The following ASCC1 variants were observed in gnomAD, a reference collection of about 807,000 sequenced individuals.
ASCC1 encodes the protein ASC-1 complex subunit P50.
ASCC1 carries 35 observed loss-of-function variants against 46.6 expected under a neutral mutation model. The observed-to-expected ratio is 0.75, with a 90% CI of 0.57 to 0.99. ASCC1 has a LOEUF of 0.99. Ranked by LOEUF, ASCC1 falls within the 50% of genes least tolerant of loss-of-function variation. The pLI is 0.00. For missense variants in ASCC1, 376 were observed against 428.7 expected, an observed-to-expected ratio of 0.88 and a Z score of 1.09; for synonymous variants, 143 against 146.6, an observed-to-expected ratio of 0.98 and a Z score of 0.18.
At chr10:72,109,882 C>A (rs1842738357) in intron 9 of ASCC1, among the ~76,000 whole-genome samples, 1 of 152,216 alleles carries the variant, frequency 6.6e-6, no homozygotes, top group Non-Finnish European at 1.5e-5. Flanking sequence ...CTAATCTCGG[C>A]ACAGGCTAGG....
At chr10:72,210,471 T>C (rs1857919851) in intron 3 of ASCC1, among the ~76,000 whole-genome samples, 1 of 152,208 alleles carries the variant, frequency 6.6e-6, no homozygotes, top group Non-Finnish European at 1.5e-5. Flanking sequence ...AAACCTCTTT[T>C]CTTTATAAAT....
At chr10:72,190,073 C>A (rs906592250) in intron 5 of ASCC1, 10 of 758,294 alleles carry the variant, frequency 1.3e-5, no homozygotes, top group Non-Finnish European at 2.4e-5. Context: ...CCCCACCCAG[C>A]CTGATAAAGC....
chr10:72,143,998 TCTTTC>T (rs1247267585), intron 7 of ASCC1, among the ~76,000 whole-genome samples: 1 of 151,968 alleles, frequency 6.6e-6, no homozygotes, highest in Non-Finnish European at 1.5e-5. Context: ...TTCTTTTCTT[TCTTTC>T]TTTTTTTTTT....
At chr10:72,194,405 T>C (rs1019969418) in intron 5 of ASCC1, among the ~76,000 whole-genome samples, 12 of 150,360 alleles carry the variant, frequency 8.0e-5, no homozygotes, top group Middle Eastern at 3.5e-3. Context: ...CATCCAGTAC[T>C]GGCAAAAGTG....
intron 8 of ASCC1, among the ~76,000 whole-genome samples, chr10:72,128,814 T>C (rs934931181): frequency 6.6e-6 from 1 of 152,038 alleles, no homozygotes; most frequent in African/African-American, 2.4e-5. Flanking sequence ...AGGAAAAGAA[T>C]ATCAAAAGAG....
Position 72,097,421 on chromosome 10 carries a change from T to C in ASCC1, c.987A>G (p.Leu329=). 1 of 1,613,582 alleles carries C rather than the reference T, an allele frequency of 6.2e-7. No homozygotes were observed. Among genetic ancestry groups the C allele is most frequent in the Non-Finnish European group, 8.5e-7 (1 of 1,179,494 alleles). ...KLFENFYFGS[L]KLNSIHISQR... ...GAGAGATGTGAATTGAATTCAGCTTTAGGGAGCCAAAGTAGAAGTTCTCAA... is the reference window on the plus strand; with the variant it reads ...GAGAGATGTGAATTGAATTCAGCTTCAGGGAGCCAAAGTAGAAGTTCTCAA... The change falls in exon 10 of 10, where the codon CTA becomes CTG. Residue 329 remains leucine, a synonymous_variant. Transcript: ENST00000672957.
chr10:72,195,155 T>TTG (rs1855204638), intron 5 of ASCC1, among the ~76,000 whole-genome samples: 6 of 140,340 alleles, frequency 4.3e-5, no homozygotes, highest in African/African-American at 1.3e-4. Flanking sequence ...TTTTTTTTTT[T>TTG]TTTTTTTTTG....
upstream of ASCC1, among the ~76,000 whole-genome samples, chr10:72,216,508 G>A (rs1238835892): frequency 1.1e-5 from 1 of 88,796 alleles, no homozygotes; most frequent in African/African-American, 4.3e-5. Flanking sequence ...TACAGCTGCG[G>A]CATCTATTTG....
chr10:72,136,646 G>C (rs1846250839), intron 7 of ASCC1, among the ~76,000 whole-genome samples: 1 of 152,172 alleles, frequency 6.6e-6, no homozygotes, highest in Non-Finnish European at 1.5e-5. Flanking sequence ...CAACCCACTT[G>C]GGTCCCCCTT....
At chr10:72,151,285 C>T (rs796748701) in intron 7 of ASCC1, among the ~76,000 whole-genome samples, 6 of 152,180 alleles carry the variant, frequency 3.9e-5, no homozygotes, top group South Asian at 2.1e-4. Flanking sequence ...GATGAGTTCA[C>T]GTCCTTTGTG....
At chr10:72,205,154 C>T (rs1857021908) in intron 3 of ASCC1, among the ~76,000 whole-genome samples, 1 of 152,154 alleles carries the variant, frequency 6.6e-6, no homozygotes, top group African/African-American at 2.4e-5. Flanking sequence ...GCCTGGGTGA[C>T]AAAGTGAGAT....
intron 5 of ASCC1, among the ~76,000 whole-genome samples, chr10:72,195,559 A>T (rs866681450): frequency 1.8e-3 from 262 of 146,878 alleles, no homozygotes; most frequent in African/African-American, 2.0e-3. Flanking sequence ...ATTTTATTTT[A>T]TTTATTTTTT....
chr10:72,139,373 C>T (rs1846700992), intron 7 of ASCC1, among the ~76,000 whole-genome samples: 1 of 152,096 alleles, frequency 6.6e-6, no homozygotes. Flanking sequence ...CCTTGGCCTC[C>T]CAAAGTGCTG....
chr10:72,171,322 T>C (rs187874207), intron 5 of ASCC1, among the ~76,000 whole-genome samples: 19 of 152,288 alleles, frequency 1.2e-4, no homozygotes, highest in African/African-American at 4.6e-4. Flanking sequence ...TTCCTTGAGC[T>C]TTCTAGCTTC....
At chr10:72,211,337 C>T (rs1858075823) in intron 2 of ASCC1, among the ~76,000 whole-genome samples, 1 of 152,090 alleles carries the variant, frequency 6.6e-6, no homozygotes, top group African/African-American at 2.4e-5. Context: ...CCTCCATATC[C>T]AGGGATTCTC....
chr10:72,142,365 CTTTTT>C (rs71018255), intron 7 of ASCC1, among the ~76,000 whole-genome samples: 7 of 137,130 alleles, frequency 5.1e-5, no homozygotes, highest in Non-Finnish European at 1.1e-4. Context: ...GCAGATTTCA[CTTTTT>C]TTTTTTTTTT....
intron 7 of ASCC1, among the ~76,000 whole-genome samples, chr10:72,137,853 T>A (rs954946307): frequency 1.3e-5 from 2 of 152,024 alleles, no homozygotes; most frequent in Non-Finnish European, 2.9e-5. Context: ...AGAACCATAA[T>A]ATTTCTTCTT....
intron 9 of ASCC1, among the ~76,000 whole-genome samples, chr10:72,107,093 C>T (rs1842419529): frequency 6.6e-6 from 1 of 151,926 alleles, no homozygotes; most frequent in African/African-American, 2.4e-5. Context: ...ATTTCAGATG[C>T]ATTCCTCATA....
At chr10:72,204,270 A>C (rs1360092244) in intron 3 of ASCC1, among the ~76,000 whole-genome samples, 1 of 152,046 alleles carries the variant, frequency 6.6e-6, no homozygotes, top group African/African-American at 2.4e-5. Flanking sequence ...TTTTTTTTTC[A>C]ATTTTTTTCA....
Sources: allele counts gnomAD v4.1 joint callset (sites outside exome capture counted in the v4.1 genomes callset), GRCh38; gene constraint gnomAD v4.1.1; transcripts MANE v1.5; gene names NCBI Gene and HGNC (gene_info 2026-07-23, HGNC 2026-07-21).